Variants in MINK1 observed in about 807,000 individuals in gnomAD.
MINK1 encodes the protein misshapen-like kinase 1.
MINK1 carries 46 observed loss-of-function variants against 178.4 expected under a neutral mutation model. The ratio of observed to expected loss-of-function variants is 0.26; its 90% CI spans 0.20 to 0.33. The LOEUF is 0.33. Among genes scored for constraint, MINK1 ranks in the 10% least tolerant of loss-of-function variants. The pLI is 1.00. For missense variants in MINK1, 1,366 were observed against 1,814.9 expected (o/e 0.75, Z 4.49); for synonymous variants, 797 against 709.7 (o/e 1.12, Z -1.96).
At chr17:4,867,442 G>A (rs1915199752) in intron 1 of MINK1, among the ~76,000 whole-genome samples, 1 of 151,326 alleles carries the variant, frequency 6.6e-6, no homozygotes, top group African/African-American at 2.4e-5. Flanking sequence ...TTGAGCCCAG[G>A]AGTTTGAGAC....
intron 1 of MINK1, among the ~76,000 whole-genome samples, chr17:4,862,409 C>T (rs1597443978): frequency 2.0e-5 from 3 of 152,250 alleles, no homozygotes; most frequent in Non-Finnish European, 4.4e-5. Flanking sequence ...AATCCCAGCA[C>T]TTTGGGAGGC....
At chr17:4,857,072 G>A (rs531297769) in intron 1 of MINK1, 47 of 187,818 alleles carry the variant, frequency 2.5e-4, no homozygotes, top group Non-Finnish European at 4.3e-4. Context: ...TGGCAAAGCC[G>A]GCTGCCAGGC....
At chr17:4,884,271 C>A in intron 4 of MINK1, 92 bp from the exon 5 acceptor site, 1 of 964,472 alleles carries the variant, frequency 1.0e-6, no homozygotes, top group Middle Eastern at 2.6e-4. Flanking sequence ...GGTCTCTTAT[C>A]CTCCTCCAGG....
In MINK1 at chr17:4,873,587, A is replaced by G. The variant is rs1429626098; in HGVS notation, c.58-4730A>G. On this transcript the variant is annotated intron_variant, in intron 1 of 31. Coordinates refer to ENST00000355280, the MANE Select transcript of MINK1 (RefSeq NM_153827.5). The stretch of plus-strand genomic sequence containing the variant: ...AACCCAGCCTGCTCTCCCACAACAC[A>G]GCATGGTCTTCGCCACTCTTTTTTC... Among the ~76,000 whole-genome samples the G allele has an allele frequency of 2.0e-5, 3 of 150,882 alleles. 1 individual carries two copies. The East Asian group carries it at 5.8e-4, about 29-fold the overall frequency.
Position 4,896,565 on chromosome 17 carries a change from G to T in MINK1, c.3752G>T (p.Trp1251Leu). The change falls in exon 30 of 32, where the codon TGG (tryptophan) becomes TTG (leucine). Residue 1251 changes from tryptophan to leucine, a missense_variant. Transcript: ENST00000355280. The surrounding 1 kb of genome is among the most constrained non-coding windows in gnomAD (Gnocchi z 4.6). ...GRIIKDVVLQ[W>L]GEMPTSVAYI... ...ATCATTAAGGATGTGGTGCTGCAGT[G>T]GGGGGAGATGCCTACTTCTGTGGGT... 1 of 1,613,894 alleles carries T rather than the reference G, an allele frequency of 6.2e-7. No individual in the cohort carries two copies. Among genetic ancestry groups the T allele is most frequent in the Non-Finnish European group, 8.5e-7 (1 of 1,179,844 alleles).
intron 15 of MINK1, 71 bp downstream of exon 15, chr17:4,891,195 C>CGT (rs374514407): frequency 0.038 from 40,020 of 1,045,638 alleles, 376 homozygotes; most frequent in Non-Finnish European, 0.043. Context: ...TACACACACA[C>CGT]GCGCGCACAC....
intron 1 of MINK1, 135 bp from the exon 2 acceptor site, chr17:4,878,182 G>C (rs899947661): frequency 3.0e-6 from 2 of 675,016 alleles, no homozygotes; most frequent in African/African-American, 3.6e-5. Context: ...CCAGCCACCA[G>C]GGTTCCTGCC....
rs546567935 is a variant in MINK1 at position 4,878,349 on chromosome 17, G to A, written c.90G>A (p.Val30=). 1.0e-5 allele frequency: 16 copies of A among 1,537,536 alleles called. No individual in the cohort carries two copies. The South Asian group carries it at 1.7e-4, about 16-fold the overall frequency. Residue 30 remains valine, a synonymous_variant, in exon 2 of 32, where the codon GTG becomes GTA. Coordinates refer to ENST00000355280, the MANE Select transcript of MINK1 (RefSeq NM_153827.5). The part of the protein sequence containing the change: ...DPAGIFELVE[V]VGNGTYGQVY... Reference sequence around the variant, plus strand: ...CTGGGATCTTTGAGCTTGTGGAGGTGGTCGGCAATGGAACCTACGGACAGG... The same window carrying A: ...CTGGGATCTTTGAGCTTGTGGAGGTAGTCGGCAATGGAACCTACGGACAGG...
At position 4,887,558 on chromosome 17, in the gene MINK1, T is replaced by G. The variant is rs925571213; in HGVS notation, c.1020-22T>G. The G allele has an allele frequency of 9.5e-6, 14 of 1,480,966 alleles. No individual in the cohort carries two copies. The highest frequency in any genetic ancestry group is 4.2e-5 in the South Asian group (3 of 71,246). The allele number at this position is 1,480,966 out of a possible 1,614,324, so 91.7% of individuals were successfully genotyped here. A position where few individuals can be genotyped will look rare whatever the true frequency, so the allele number is the denominator to read the frequency against. On this transcript the variant is annotated intron_variant, in intron 11 of 31. Transcript: ENST00000355280. The surrounding 1 kb of genome is among the most constrained non-coding windows in gnomAD (Gnocchi z 7.6). ...CCAACAGGGTTCTGACCCCAGTGCT[T>G]CTTTGTGCCACCCCTGCCCAGCTCC...
In MINK1 at chr17:4,891,131, C is replaced by T. The variant is rs1315086289; in HGVS notation, c.1740+7C>T. On this transcript the variant is annotated splice_region_variant and intron_variant, in intron 15 of 31. Coordinates refer to ENST00000355280, the MANE Select transcript of MINK1 (RefSeq NM_153827.5). ...CCAGGAGGGACCGCACAAGGTGAGT[C>T]TCTCCCCACCCCTGTCTTAATGAAG... 3 of 1,508,862 alleles carry T rather than the reference C, an allele frequency of 2.0e-6. No individual in the cohort carries two copies. Among genetic ancestry groups the T allele is most frequent in the South Asian group, 2.6e-5 (2 of 77,736 alleles). 93.5% of individuals were successfully genotyped at this position (1,508,862 alleles called of 1,614,324 possible). A position where few individuals can be genotyped will look rare whatever the true frequency, so the allele number is the denominator to read the frequency against.
chr17:4,866,290 AC>A (rs1243278891), intron 1 of MINK1, among the ~76,000 whole-genome samples: 5 of 151,974 alleles, frequency 3.3e-5, no homozygotes, highest in Non-Finnish European at 5.9e-5. Flanking sequence ...ACATGGTGAA[AC>A]CCCGTCTCTA....
intron 1 of MINK1, chr17:4,860,706 G>A (rs1303770470): frequency 7.7e-6 from 4 of 519,848 alleles, no homozygotes; most frequent in Middle Eastern, 3.2e-4. Flanking sequence ...GAGCAAAGAA[G>A]CAAGGGCTCA....
intron 1 of MINK1, among the ~76,000 whole-genome samples, chr17:4,853,467 G>A: frequency 6.9e-6 from 1 of 145,556 alleles, no homozygotes; most frequent in Non-Finnish European, 1.5e-5. Context: ...TTGGTGGGAA[G>A]AGTGTGGTTG....
chr17:4,861,667 C>T, intron 1 of MINK1: 1 of 326,576 alleles, frequency 3.1e-6, no homozygotes, highest in Non-Finnish European at 6.3e-6. Flanking sequence ...CACCCAGATA[C>T]TTTCTGTATT....
Position 4,897,434 on chromosome 17 carries a change from C to G in MINK1, c.*147C>G. ...GCCTGCTGGGAACGTGACCTCTGAC[C>G]CCTGATGCTTTCGTGATCACGTGAC... On this transcript the variant is annotated 3_prime_UTR_variant, in exon 32 of 32. Transcript: ENST00000355280. 1 of 663,250 alleles carries G rather than the reference C, an allele frequency of 1.5e-6. No homozygotes were observed. The allele number at this position is 663,250 out of a possible 1,614,324, so 41.1% of individuals were successfully genotyped here.
chr17:4,859,788 CAAAAAAA>C (rs397857604), intron 1 of MINK1, among the ~76,000 whole-genome samples: 96 of 51,882 alleles, frequency 1.9e-3, no homozygotes, highest in East Asian at 0.015. Flanking sequence ...AACTCCATCT[CAAAAAAA>C]AAAAAAAAAA....
At chr17:4,839,210 TGGGATTACAGGC>T (rs1300782985) in intron 1 of MINK1, among the ~76,000 whole-genome samples, 1 of 152,246 alleles carries the variant, frequency 6.6e-6, no homozygotes, top group African/African-American at 2.4e-5. Context: ...CCCAAAGTGC[TGGGATTACAGGC>T]GCGAGCCACC....
At chr17:4,892,083 A>G in intron 16 of MINK1, 66 bp from the exon 17 acceptor site, 1 of 1,334,694 alleles carries the variant, frequency 7.5e-7, no homozygotes, top group Non-Finnish European at 1.0e-6. Flanking sequence ...CTCAGAGGTG[A>G]GGCTTAAACA....
intron 1 of MINK1, among the ~76,000 whole-genome samples, chr17:4,840,143 T>C (rs1909997231): frequency 1.3e-5 from 2 of 152,124 alleles, no homozygotes; most frequent in East Asian, 3.9e-4. Context: ...GACAAAAATA[T>C]CTAGTTGATT....
Sources: allele counts gnomAD v4.1 joint callset (sites outside exome capture counted in the v4.1 genomes callset), GRCh38; gene constraint gnomAD v4.1.1; non-coding constraint Gnocchi (gnomAD v3.1); transcripts MANE v1.5; gene names NCBI Gene and HGNC (gene_info 2026-07-23, HGNC 2026-07-21).